The following PPP1R9A variants were observed in gnomAD, a reference collection of about 807,000 sequenced individuals.
PPP1R9A encodes the protein protein phosphatase 1 regulatory subunit 9A.
A neutral mutation model predicts 141.9 loss-of-function variants in PPP1R9A; 59 were observed. That is an observed-to-expected ratio of 0.42 (90% CI 0.34 to 0.52). The LOEUF (loss-of-function observed/expected upper bound fraction) is 0.52, where lower values mean the gene tolerates loss of function less well. Among genes scored for constraint, PPP1R9A ranks in the 20% least tolerant of loss-of-function variants. PPP1R9A has a pLI of 0.10. For missense variants in PPP1R9A, 1,444 were observed against 1,611.9 expected (o/e 0.90, Z 1.78); for synonymous variants, 500 against 569.7 (o/e 0.88, Z 1.74).
At chr7:95,007,545 C>T (rs909425737) in intron 2 of PPP1R9A, among the ~76,000 whole-genome samples, 1 of 152,014 alleles carries the variant, frequency 6.6e-6, no homozygotes, top group Admixed American at 6.6e-5. Context: ...GTATAAGAAC[C>T]CAGTAATTTT....
chr7:95,155,185 CTT>C (rs57799059), intron 4 of PPP1R9A: 44,923 of 117,534 alleles, frequency 0.38, 6,418 homozygotes, highest in African/African-American at 0.44. Flanking sequence ...TTCTTTTTTT[CTT>C]TTTTTTTTTT....
intron 2 of PPP1R9A, among the ~76,000 whole-genome samples, chr7:95,078,460 T>C (rs1815223558): frequency 1.3e-5 from 2 of 151,914 alleles, no homozygotes; most frequent in African/African-American, 4.8e-5. Context: ...TGTGTCTTTA[T>C]AGCAGCATTA....
chr7:94,910,839 T>C lies in PPP1R9A; in HGVS notation c.726T>C (p.Thr242=), dbSNP rs1334114014. The C allele has an allele frequency of 6.2e-7, 1 of 1,613,956 alleles. No homozygotes were observed. Among genetic ancestry groups the C allele is most frequent in the South Asian group, 1.1e-5 (1 of 91,082 alleles). The change falls in exon 2 of 20, where the codon ACT becomes ACC. Residue 242 remains threonine, a synonymous_variant. Coordinates refer to ENST00000433360, the MANE Select transcript of PPP1R9A (RefSeq NM_001166160.2). The surrounding 1 kb of genome is among the most constrained non-coding windows in gnomAD (Gnocchi z 4.5). The part of the protein sequence containing the change: ...GHYPLNLPSV[T]VTNLDTFGHL... ...ATCCCTTGAATTTACCATCTGTTACTGTTACAAATCTTGACACATTTGGTC... is the reference window on the plus strand; with the variant it reads ...ATCCCTTGAATTTACCATCTGTTACCGTTACAAATCTTGACACATTTGGTC...
rs1377775935 is a variant in PPP1R9A at position 95,295,520 on chromosome 7, T to C, written c.*5217T>C. ...TGACATAATTGGTGGCTGTGATGCT[T>C]ACAGTCACTGCCTACTGGCTCTCTT... On this transcript the variant is annotated 3_prime_UTR_variant, in exon 20 of 20. Coordinates refer to ENST00000433360, the MANE Select transcript of PPP1R9A (RefSeq NM_001166160.2). 6.6e-6 allele frequency: 1 copy of C among 152,236 alleles called. No individual in the cohort carries two copies. Among genetic ancestry groups the C allele is most frequent in the Non-Finnish European group, 1.5e-5 (1 of 68,048 alleles). 9.4% of individuals were successfully genotyped at this position (152,236 alleles called of 1,614,324 possible).
chr7:95,204,595 C>T (rs749547484), intron 7 of PPP1R9A, among the ~76,000 whole-genome samples: 3 of 151,360 alleles, frequency 2.0e-5, no homozygotes, highest in South Asian at 4.2e-4. Context: ...ACATGCTTAA[C>T]ACACACACAC....
rs1375119724 is a variant in PPP1R9A, at chr7:95,102,716, T to TAGGTAA, written c.1396-8543_1396-8542insAGGTAA. Among the ~76,000 whole-genome samples the TAGGTAA allele has an allele frequency of 2.0e-5, 3 of 152,216 alleles. No homozygotes were observed. In the East Asian group the frequency reaches 5.8e-4, roughly 29 times the overall value. On this transcript the variant is annotated intron_variant, in intron 2 of 19. Coordinates refer to ENST00000433360, the MANE Select transcript of PPP1R9A (RefSeq NM_001166160.2). ...GAAATGCTTTAACTTGTCAAAAGTGTCTCTGTAACTTGTAGGTGTTGTAAA... is the reference window on the plus strand; with the variant it reads ...GAAATGCTTTAACTTGTCAAAAGTGTAGGTAACTCTGTAACTTGTAGGTGTTGTAAA...
intron 8 of PPP1R9A, among the ~76,000 whole-genome samples, chr7:95,233,443 T>G (rs1266113247): frequency 6.6e-6 from 1 of 152,042 alleles, no homozygotes; most frequent in Non-Finnish European, 1.5e-5. Context: ...TGCAGCAGCC[T>G]ACCGTGGCAC....
chr7:95,139,820 A>G (rs1039969605), intron 4 of PPP1R9A, among the ~76,000 whole-genome samples: 3 of 151,368 alleles, frequency 2.0e-5, no homozygotes, highest in Non-Finnish European at 4.4e-5. Context: ...TAAAAAAAAA[A>G]AAAAAAGAAA....
intron 2 of PPP1R9A, among the ~76,000 whole-genome samples, chr7:95,011,682 G>C (rs1341672325): frequency 1.3e-5 from 2 of 152,212 alleles, no homozygotes; most frequent in East Asian, 3.8e-4. Context: ...GGTGACTAAA[G>C]ATTCCAAAAG....
intron 2 of PPP1R9A, among the ~76,000 whole-genome samples, chr7:95,021,368 T>G (rs190369455): frequency 3.1e-4 from 47 of 152,088 alleles, no homozygotes; most frequent in African/African-American, 9.6e-4. Flanking sequence ...ATTCTGGATA[T>G]TAGCCCTTTG....
intron 7 of PPP1R9A, among the ~76,000 whole-genome samples, chr7:95,207,226 A>G (rs1791009670): frequency 6.6e-6 from 1 of 152,112 alleles, no homozygotes; most frequent in Admixed American, 6.5e-5. Context: ...AGGGAGGAAA[A>G]GAAAAAAAAG....
chr7:94,970,182 G>A (rs1001313038), intron 2 of PPP1R9A, among the ~76,000 whole-genome samples: 2 of 152,130 alleles, frequency 1.3e-5, no homozygotes, highest in Admixed American at 1.3e-4. Context: ...CATTCCAGGT[G>A]CCACTGGGGT....
At chr7:95,286,508 G>A (rs908569104) in intron 18 of PPP1R9A, among the ~76,000 whole-genome samples, 183 bp downstream of exon 18, 2 of 152,128 alleles carry the variant, frequency 1.3e-5, no homozygotes, top group Non-Finnish European at 2.9e-5. Flanking sequence ...GCAAAGTCTT[G>A]TTCTTAAGCT....
chr7:95,255,374 G>A (rs1230658317), intron 12 of PPP1R9A, among the ~76,000 whole-genome samples: 2 of 152,104 alleles, frequency 1.3e-5, no homozygotes, highest in African/African-American at 4.8e-5. Context: ...CTAAAGGATT[G>A]TGCATATCCC....
chr7:95,048,803 C>T (rs530887758), intron 2 of PPP1R9A, among the ~76,000 whole-genome samples: 3 of 152,054 alleles, frequency 2.0e-5, no homozygotes, highest in African/African-American at 7.2e-5. Flanking sequence ...CCTCAGCCTC[C>T]GAAAGTGCTG....
intron 2 of PPP1R9A, among the ~76,000 whole-genome samples, chr7:95,109,828 C>A (rs1369644363): frequency 1.3e-5 from 2 of 150,142 alleles, no homozygotes; most frequent in African/African-American, 4.9e-5. Flanking sequence ...CAGAGCAAGA[C>A]CCTATCTCAA....
At chr7:95,105,358 G>A (rs1306644247) in intron 2 of PPP1R9A, among the ~76,000 whole-genome samples, 2 of 152,184 alleles carry the variant, frequency 1.3e-5, no homozygotes, top group African/African-American at 2.4e-5. Flanking sequence ...GTTCAGAAAT[G>A]TCCTTGCTAA....
At chr7:95,227,197 T>C (rs1002095496) in intron 8 of PPP1R9A, among the ~76,000 whole-genome samples, 17 of 152,196 alleles carry the variant, frequency 1.1e-4, no homozygotes, top group Non-Finnish European at 1.9e-4. Context: ...TCTCTAAGAA[T>C]ATTTTAACTC....
chr7:94,993,363 A>G (rs1487702285), intron 2 of PPP1R9A, among the ~76,000 whole-genome samples: 1 of 152,070 alleles, frequency 6.6e-6, no homozygotes, highest in Non-Finnish European at 1.5e-5. Flanking sequence ...GTTCTTTTCC[A>G]GTTGTTTGGC....
Sources: gnomAD v4.1 joint callset for allele counts (sites outside exome capture counted in the v4.1 genomes callset) on GRCh38, gnomAD v4.1.1 for gene constraint, Gnocchi (gnomAD v3.1) non-coding constraint, MANE v1.5 for transcripts, NCBI Gene and HGNC (gene_info 2026-07-23, HGNC 2026-07-21) for gene names.